STK39: variants seen among roughly 807,000 people sequenced by gnomAD.
STK39 encodes serine/threonine kinase 39, also known as STE20/SPS1-related proline-alanine-rich protein kinase.
A neutral mutation model predicts 77.8 loss-of-function variants in STK39; 20 were observed. The observed-to-expected ratio is 0.26, with a 90% CI of 0.18 to 0.37. The LOEUF is 0.37. Among genes scored for constraint, STK39 ranks in the 10% least tolerant of loss-of-function variants. The probability of loss-of-function intolerance (pLI) is 1.00; values close to 1 mark genes in which losing one functional copy is unlikely to be tolerated. For missense variants in STK39, 479 were observed against 656.5 expected, an observed-to-expected ratio of 0.73 and a Z score of 2.95; for synonymous variants, 246 against 234.1, an observed-to-expected ratio of 1.05 and a Z score of -0.47.
chr2:168,232,512 G>C (rs1000901662), intron 1 of STK39, among the ~76,000 whole-genome samples: 1 of 152,158 alleles, frequency 6.6e-6, no homozygotes, highest in East Asian at 1.9e-4. Flanking sequence ...ACTTTTACCT[G>C]TCCTAGTCAC....
rs143674240 is a variant in STK39, at chr2:167,958,564, G to A, written c.1564-2994C>T. ...ATGTCTTGCTTAATAAAAGACAGCTGGATTCTCATACCTACTTCTGTATTC... is the reference window on the plus strand; with the variant it reads ...ATGTCTTGCTTAATAAAAGACAGCTAGATTCTCATACCTACTTCTGTATTC... On this transcript the variant is annotated intron_variant, in intron 17 of 17. Transcript: ENST00000355999. Among the ~76,000 whole-genome samples, 393 of 152,088 alleles carry A rather than the reference G, an allele frequency of 2.6e-3. 2 individuals are homozygous for A. The highest frequency in any genetic ancestry group is 6.8e-3 in the Middle Eastern group (2 of 292).
intron 14 of STK39, among the ~76,000 whole-genome samples, chr2:168,020,540 T>A (rs1167657934): frequency 6.6e-6 from 1 of 151,936 alleles, no homozygotes; most frequent in African/African-American, 2.4e-5. Flanking sequence ...CCAGGGTCAC[T>A]GGACTACATT....
chr2:168,082,163 C>A (rs1686251641), intron 10 of STK39, among the ~76,000 whole-genome samples: 1 of 152,150 alleles, frequency 6.6e-6, no homozygotes, highest in South Asian at 2.1e-4. Flanking sequence ...TATCTATTCA[C>A]TTATTCCTTC....
chr2:167,976,141 C>T (rs777098416), intron 16 of STK39, among the ~76,000 whole-genome samples: 1 of 152,156 alleles, frequency 6.6e-6, no homozygotes, highest in Non-Finnish European at 1.5e-5. Context: ...AGTATAGTCA[C>T]CTTAGAAGAT....
At chr2:167,967,450 C>A (rs1692188866) in intron 16 of STK39, among the ~76,000 whole-genome samples, 1 of 152,078 alleles carries the variant, frequency 6.6e-6, no homozygotes, top group Non-Finnish European at 1.5e-5. Context: ...AATTTTTTTT[C>A]TATTTTTTTG....
chr2:168,207,186 A>AT (rs1689763816), intron 1 of STK39, among the ~76,000 whole-genome samples: 1 of 152,232 alleles, frequency 6.6e-6, no homozygotes. Context: ...CTGCTACCCT[A>AT]TGATAGTGAC....
At chr2:168,070,776 C>T (rs911731333) in intron 12 of STK39, among the ~76,000 whole-genome samples, 6 of 152,118 alleles carry the variant, frequency 3.9e-5, no homozygotes, top group Admixed American at 1.3e-4. Flanking sequence ...GACATGAACT[C>T]ATCCTTTTTT....
chr2:168,013,270 G>C (rs1401810191), intron 15 of STK39, among the ~76,000 whole-genome samples: 1 of 152,182 alleles, frequency 6.6e-6, no homozygotes, highest in Non-Finnish European at 1.5e-5. Flanking sequence ...TTAGAAAAAT[G>C]TGGTTGAATA....
At chr2:168,247,043 A>G (rs1690930596) in intron 1 of STK39, among the ~76,000 whole-genome samples, 185 bp downstream of exon 1, 1 of 144,548 alleles carries the variant, frequency 6.9e-6, no homozygotes, top group Non-Finnish European at 1.5e-5. Context: ...TCATAGAACG[A>G]ACAAATACAT....
intron 1 of STK39, among the ~76,000 whole-genome samples, chr2:168,234,001 C>T (rs1000318355): frequency 6.6e-6 from 1 of 151,726 alleles, no homozygotes; most frequent in Admixed American, 6.5e-5. Context: ...TTTCACCACA[C>T]ACAAGAATAC....
chr2:167,977,740 G>A (rs1683317643), intron 16 of STK39, among the ~76,000 whole-genome samples: 2 of 152,160 alleles, frequency 1.3e-5, no homozygotes, highest in Admixed American at 1.3e-4. Context: ...CATTTCTGGG[G>A]AGAGGGTGTA....
chr2:168,017,017 AAAT>A (rs746974824), intron 15 of STK39, 23 bp downstream of exon 15: 2 of 1,577,120 alleles, frequency 1.3e-6, no homozygotes, highest in South Asian at 2.3e-5. Context: ...TGAGGCAATA[AAAT>A]AATAACTTCA....
chr2:168,188,592 C>T (rs1018982833), intron 1 of STK39, among the ~76,000 whole-genome samples: 3 of 152,154 alleles, frequency 2.0e-5, no homozygotes, highest in Non-Finnish European at 2.9e-5. Flanking sequence ...TGTGAAATTG[C>T]CATTTTTCTA....
At chr2:168,213,809 T>C (rs937320025) in intron 1 of STK39, among the ~76,000 whole-genome samples, 4 of 152,202 alleles carry the variant, frequency 2.6e-5, no homozygotes, top group African/African-American at 4.8e-5. Context: ...TGCTTGCTCA[T>C]ATTTCTATAA....
intron 14 of STK39, among the ~76,000 whole-genome samples, chr2:168,032,631 G>T (rs1684857072): frequency 6.6e-6 from 1 of 152,198 alleles, no homozygotes; most frequent in Non-Finnish European, 1.5e-5. Context: ...CTCTTCAGAA[G>T]TGTATATACA....
chr2:168,185,488 T>C (rs1055958236), intron 1 of STK39, among the ~76,000 whole-genome samples: 2 of 152,198 alleles, frequency 1.3e-5, no homozygotes, highest in Non-Finnish European at 2.9e-5. Context: ...AGATTTTTCC[T>C]TTAGTTGACA....
intron 14 of STK39, among the ~76,000 whole-genome samples, chr2:168,055,755 T>G (rs1392245848): frequency 1.1e-4 from 17 of 152,266 alleles, no homozygotes; most frequent in Admixed American, 1.1e-3. Flanking sequence ...TGAGCCTGAT[T>G]CTAATAAACA....
chr2:168,237,091 T>C (rs1281919559), intron 1 of STK39, among the ~76,000 whole-genome samples: 1 of 152,190 alleles, frequency 6.6e-6, no homozygotes, highest in Non-Finnish European at 1.5e-5. Context: ...TGGAATGTTC[T>C]TCCATTTCTT....
chr2:167,980,226 G>A (rs1223140361), intron 16 of STK39, among the ~76,000 whole-genome samples: 1 of 152,162 alleles, frequency 6.6e-6, no homozygotes, highest in Admixed American at 6.5e-5. Flanking sequence ...ATGGAAATAA[G>A]CTTCAAGCTC....
Sources: allele counts gnomAD v4.1 joint callset (sites outside exome capture counted in the v4.1 genomes callset), GRCh38; gene constraint gnomAD v4.1.1; transcripts MANE v1.5; gene names NCBI Gene and HGNC (gene_info 2026-07-23, HGNC 2026-07-21).